The following CAMSAP2 variants were observed in gnomAD, a reference collection of about 807,000 sequenced individuals.
CAMSAP2 encodes the protein calmodulin-regulated spectrin-associated protein 2.
In CAMSAP2, 26 loss-of-function variants were observed where a neutral mutation model predicts 146.1. The observed-to-expected ratio is 0.18, with a 90% confidence interval of 0.13 to 0.25. The LOEUF (loss-of-function observed/expected upper bound fraction) is 0.25. Among genes scored for constraint, CAMSAP2 ranks in the 10% least tolerant of loss-of-function variants. The probability of loss-of-function intolerance (pLI) is 1.00; values close to 1 mark genes in which losing one functional copy is unlikely to be tolerated. For missense variants in CAMSAP2, 1,381 were observed against 1,759.3 expected, an observed-to-expected ratio of 0.78 and a Z score of 3.85; for synonymous variants, 499 against 596.6, an observed-to-expected ratio of 0.84 and a Z score of 2.38.
chr1:200,787,982 A>T (rs1355490410), intron 2 of CAMSAP2, among the ~76,000 whole-genome samples: 1 of 152,218 alleles, frequency 6.6e-6, no homozygotes, highest in African/African-American at 2.4e-5. Context: ...TATTGCACTC[A>T]ATAGATTACA....
chr1:200,847,138 A>G, intron 8 of CAMSAP2, 72 bp from the exon 9 acceptor site: 1 of 1,108,016 alleles, frequency 9.0e-7, no homozygotes, highest in Admixed American at 2.1e-5. Flanking sequence ...GTTGTTTCTA[A>G]CTTAAGACAT....
At chr1:200,808,868 A>G (rs1239445892) in intron 3 of CAMSAP2, among the ~76,000 whole-genome samples, 1 of 152,162 alleles carries the variant, frequency 6.6e-6, no homozygotes, top group African/African-American at 2.4e-5. Flanking sequence ...TTTTATAAGT[A>G]CTCTCAGTTC....
intron 1 of CAMSAP2, among the ~76,000 whole-genome samples, chr1:200,760,575 C>A (rs1048514095): frequency 6.6e-6 from 1 of 152,180 alleles, no homozygotes; most frequent in Non-Finnish European, 1.5e-5. Context: ...CCAAGAGCCA[C>A]TAGACTCAGA....
chr1:200,740,088 T>C, intron 1 of CAMSAP2, 122 bp downstream of exon 1: 2 of 1,056,140 alleles, frequency 1.9e-6, no homozygotes, highest in Non-Finnish European at 2.7e-6. Flanking sequence ...TTAAGGGAGA[T>C]GATGGGAGGC....
chr1:200,847,594 A>T (rs774708502), intron 9 of CAMSAP2, 46 bp from the exon 10 acceptor site: 17 of 1,498,928 alleles, frequency 1.1e-5, no homozygotes, highest in Admixed American at 1.8e-5. Flanking sequence ...CTATAAGTTA[A>T]TTTTTTTACA....
At chr1:200,763,432 G>A (rs1055171714) in intron 2 of CAMSAP2, among the ~76,000 whole-genome samples, 76 of 152,008 alleles carry the variant, frequency 5.0e-4, no homozygotes, top group African/African-American at 1.6e-3. Context: ...CCAGTTACTC[G>A]GGAGGCTGAG....
At chr1:200,817,062 A>G (rs559999744) in intron 4 of CAMSAP2, among the ~76,000 whole-genome samples, 1 of 141,172 alleles carries the variant, frequency 7.1e-6, no homozygotes, top group South Asian at 2.2e-4. Context: ...GTGTATACAC[A>G]CACGTATATA....
intron 1 of CAMSAP2, among the ~76,000 whole-genome samples, chr1:200,741,037 T>A (rs1664156954): frequency 6.6e-6 from 1 of 152,222 alleles, no homozygotes; most frequent in Admixed American, 6.5e-5. Flanking sequence ...ATTTCCAATT[T>A]TAGGACTATG....
chr1:200,770,161 G>A (rs1374662382), intron 2 of CAMSAP2, among the ~76,000 whole-genome samples: 1 of 152,146 alleles, frequency 6.6e-6, no homozygotes, highest in East Asian at 1.9e-4. Context: ...CAGAATTGTA[G>A]GGATGACATG....
chr1:200,852,932 A>G (rs189879662), intron 12 of CAMSAP2, among the ~76,000 whole-genome samples: 116 of 152,272 alleles, frequency 7.6e-4, no homozygotes, highest in African/African-American at 2.5e-3. Context: ...CTCATGGGAA[A>G]GTTCTCTAGA....
rs1030352722 is a variant in CAMSAP2, at chr1:200,768,488, G to A, written c.399+7390G>A. Among the ~76,000 whole-genome samples, 3 of 152,176 alleles carry A rather than the reference G, an allele frequency of 2.0e-5. No homozygotes were observed. The South Asian group carries it at 6.2e-4, about 31-fold the overall frequency. Reference sequence around the variant, plus strand: ...TCCTGGAAGTGATGGGAACCCTAGTGTAGGGTTTTAAGCCAGAGAGGGTAT... The same window carrying A: ...TCCTGGAAGTGATGGGAACCCTAGTATAGGGTTTTAAGCCAGAGAGGGTAT... On this transcript the variant is annotated intron_variant, in intron 2 of 16. Coordinates refer to ENST00000358823, the MANE Select transcript of CAMSAP2 (RefSeq NM_203459.4).
At chr1:200,792,749 A>G (rs1665789067) in intron 2 of CAMSAP2, among the ~76,000 whole-genome samples, 1 of 152,244 alleles carries the variant, frequency 6.6e-6, no homozygotes, top group Non-Finnish European at 1.5e-5. Context: ...GAAATGGAGA[A>G]CAGATTAGTG....
chr1:200,792,689 T>C (rs1665787628), intron 2 of CAMSAP2, among the ~76,000 whole-genome samples: 2 of 152,158 alleles, frequency 1.3e-5, no homozygotes. Flanking sequence ...AAAAGTTACA[T>C]ACTGTATAAA....
At chr1:200,815,108 C>T (rs1388989202) in intron 3 of CAMSAP2, among the ~76,000 whole-genome samples, 1 of 151,980 alleles carries the variant, frequency 6.6e-6, no homozygotes, top group African/African-American at 2.4e-5. Flanking sequence ...CTAAACTCCC[C>T]CATGATCATG....
intron 2 of CAMSAP2, among the ~76,000 whole-genome samples, chr1:200,773,105 T>G (rs780641415): frequency 2.0e-5 from 3 of 152,220 alleles, no homozygotes; most frequent in South Asian, 2.1e-4. Context: ...TTGTTTGTAA[T>G]CTTATGTACA....
In CAMSAP2 at chr1:200,853,306, G is replaced by C; in HGVS notation, c.3634G>C (p.Glu1212Gln). The C allele has an allele frequency of 6.2e-7, 1 of 1,613,470 alleles. No individual in the cohort carries two copies. Residue 1212 changes from glutamate (E) to glutamine (Q), a missense_variant, in exon 13 of 17, where the codon GAA (glutamate) becomes CAA (glutamine). Physicochemically the swap from Glu to Gln is conservative, Grantham distance 29 (BLOSUM62 2). This residue lies in a region of CAMSAP2 where 560 missense variants were observed against 715.9 expected (regional missense o/e 0.78). Transcript: ENST00000358823. This position sits in a 1 kb window ranked among gnomAD's most constrained non-coding sequence, Gnocchi z 5.1. Reference protein sequence around the residue: ...RKTEEERQKKEDERARREFIR... With the variant: ...RKTEEERQKKQDERARREFIR... ...AACTGAGGAAGAACGTCAGAAGAAA[G>C]AAGATGAGAGAGCACGCAGAGAATT... is the stretch of plus-strand genomic sequence containing the variant.
chr1:200,775,986 A>G (rs1665267306), intron 2 of CAMSAP2, among the ~76,000 whole-genome samples: 1 of 151,068 alleles, frequency 6.6e-6, no homozygotes, highest in African/African-American at 2.5e-5. Context: ...ATCTTTAAAA[A>G]CAAAAAAAAA....
At chr1:200,840,458 C>G (rs1187962164) in intron 6 of CAMSAP2, among the ~76,000 whole-genome samples, 1 of 151,978 alleles carries the variant, frequency 6.6e-6, no homozygotes, top group Non-Finnish European at 1.5e-5. Flanking sequence ...TTTATAGAGG[C>G]AAGCTATGTT....
chr1:200,761,196 G>T, intron 2 of CAMSAP2, 98 bp downstream of exon 2: 2 of 1,202,750 alleles, frequency 1.7e-6, no homozygotes, highest in Non-Finnish European at 2.4e-6. Flanking sequence ...TTTGAAATTG[G>T]ATTGTATTTT....
Sources: allele counts gnomAD v4.1 joint callset (sites outside exome capture counted in the v4.1 genomes callset), GRCh38; gene constraint gnomAD v4.1.1; regional missense constraint gnomAD v4.1.1; non-coding constraint Gnocchi (gnomAD v3.1); transcripts MANE v1.5; gene names NCBI Gene and HGNC (gene_info 2026-07-23, HGNC 2026-07-21).